YWHAQ: variants seen among roughly 807,000 people sequenced by gnomAD.
The protein encoded by YWHAQ is tyrosine 3-monooxygenase/tryptophan 5-monooxygenase activation protein theta.
A neutral mutation model predicts 28.3 loss-of-function variants in YWHAQ; 6 were observed. The ratio of observed to expected loss-of-function variants is 0.21; its 90% confidence interval spans 0.12 to 0.42. YWHAQ has a LOEUF of 0.42. YWHAQ is among the 10% of genes least tolerant of loss of function. The pLI is 1.00. For synonymous variants in YWHAQ, 143 were observed against 119.1 expected (o/e 1.20, Z -1.31); for missense variants, 201 against 305.6 (o/e 0.66, Z 2.55).
chr2:9,625,472 C>A (rs529022028), intron 2 of YWHAQ, among the ~76,000 whole-genome samples: 1 of 152,268 alleles, frequency 6.6e-6, no homozygotes, highest in East Asian at 1.9e-4. Flanking sequence ...TTAAAATGCA[C>A]AAATTCCTCA....
intron 2 of YWHAQ, among the ~76,000 whole-genome samples, chr2:9,608,255 G>A (rs535648402): frequency 6.6e-6 from 1 of 152,132 alleles, no homozygotes; most frequent in Non-Finnish European, 1.5e-5. Context: ...ACATACAGTA[G>A]AGCTTCAAAG....
chr2:9,630,479 G>GGGGCA lies in YWHAQ; in HGVS notation c.-28_-27insTGCCC. The GGGGCA allele has an allele frequency of 8.5e-7, 1 of 1,181,514 alleles. No individual in the cohort carries two copies. The highest frequency in any genetic ancestry group is 1.2e-6 in the Non-Finnish European group (1 of 825,146). 73.2% of individuals were successfully genotyped at this position (1,181,514 alleles called of 1,614,324 possible). On this transcript the variant is annotated 5_prime_UTR_variant, in exon 2 of 6. Coordinates refer to ENST00000238081, the MANE Select transcript of YWHAQ (RefSeq NM_006826.4). The surrounding 1 kb of genome is among the most constrained non-coding windows in gnomAD (Gnocchi z 5.6). ...GCGGGCGCGGGGCCGGGGCCGGGGC[G>GGGGCA]GAGGGCGAGGAGAGCGAGGGCGAGC...
At chr2:9,587,147 C>T (rs1486715745) in intron 5 of YWHAQ, among the ~76,000 whole-genome samples, 1 of 152,176 alleles carries the variant, frequency 6.6e-6, no homozygotes, top group African/African-American at 2.4e-5. Flanking sequence ...TCTTTATTAA[C>T]ATAATTTATC....
chr2:9,630,560 G>C lies in YWHAQ; in HGVS notation c.-82-26C>G. ...CTGCGGAGGGGCGGGGCGGCGAGGC[G>C]AGAACAAAAAGCAGAGAGGGAGCGC... On this transcript the variant is annotated intron_variant, in intron 1 of 5. Coordinates refer to ENST00000238081, the MANE Select transcript of YWHAQ (RefSeq NM_006826.4). The surrounding 1 kb of genome is among the most constrained non-coding windows in gnomAD (Gnocchi z 5.6). The C allele has an allele frequency of 1.7e-6, 2 of 1,173,278 alleles. No homozygotes were observed. The highest frequency in any genetic ancestry group is 3.2e-5 in the South Asian group (2 of 62,134). 72.7% of individuals were successfully genotyped at this position (1,173,278 alleles called of 1,614,324 possible).
intron 2 of YWHAQ, among the ~76,000 whole-genome samples, chr2:9,629,288 A>AAAT (rs1667308403): frequency 6.6e-6 from 1 of 152,222 alleles, no homozygotes; most frequent in African/African-American, 2.4e-5. Context: ...TGAAACATTT[A>AAAT]AAAACACTCC....
chr2:9,599,733 C>A (rs1666650796), intron 2 of YWHAQ, among the ~76,000 whole-genome samples: 1 of 152,164 alleles, frequency 6.6e-6, no homozygotes, highest in Admixed American at 6.5e-5. Context: ...CACCTGTTTA[C>A]CAAAGAGCTC....
chr2:9,587,536 AAT>A, intron 4 of YWHAQ, 27 bp from the exon 5 acceptor site: 1 of 1,561,182 alleles, frequency 6.4e-7, no homozygotes, highest in Non-Finnish European at 8.7e-7. Flanking sequence ...TCCATGGTAA[AAT>A]ATGTGCATTG....
chr2:9,593,976 A>C (rs1396952076), intron 2 of YWHAQ, among the ~76,000 whole-genome samples: 1 of 145,784 alleles, frequency 6.9e-6, no homozygotes, highest in East Asian at 2.0e-4. Context: ...AGGAAGTTAA[A>C]ACACACACAC....
chr2:9,604,654 C>CA (rs950626968), intron 2 of YWHAQ, among the ~76,000 whole-genome samples: 41 of 152,124 alleles, frequency 2.7e-4, no homozygotes, highest in African/African-American at 9.9e-4. Context: ...GCAAAACCTG[C>CA]ATGTAAGGAG....
At chr2:9,610,237 A>G (rs1430251386) in intron 2 of YWHAQ, among the ~76,000 whole-genome samples, 1 of 152,210 alleles carries the variant, frequency 6.6e-6, no homozygotes, top group Non-Finnish European at 1.5e-5. Context: ...ACATGGGTCC[A>G]TTTCACTGGT....
At chr2:9,593,284 G>A (rs900149445) in intron 2 of YWHAQ, among the ~76,000 whole-genome samples, 2 of 139,132 alleles carry the variant, frequency 1.4e-5, no homozygotes, top group South Asian at 2.2e-4. Flanking sequence ...CTGTTGCCCA[G>A]GCTAGAGTGC....
In YWHAQ at chr2:9,585,278, G is replaced by A; in HGVS notation, c.*8C>T. 6.8e-6 allele frequency: 11 copies of A among 1,614,062 alleles called. No homozygotes were observed. Among genetic ancestry groups the A allele is most frequent in the Non-Finnish European group, 8.5e-6 (10 of 1,179,958 alleles). On this transcript the variant is annotated 3_prime_UTR_variant, in exon 6 of 6. Coordinates refer to ENST00000238081, the MANE Select transcript of YWHAQ (RefSeq NM_006826.4). ...TTGAAGGAAAGAAGGATGACACCCT[G>A]TATGGATTTAGTTTTCAGCCCCTTC...
At chr2:9,594,761 G>T (rs936188505) in intron 2 of YWHAQ, among the ~76,000 whole-genome samples, 1 of 152,190 alleles carries the variant, frequency 6.6e-6, no homozygotes, top group African/African-American at 2.4e-5. Context: ...TGGTAGATTT[G>T]TAAGAGCAGG....
In YWHAQ at chr2:9,589,515, G is replaced by A. The variant is rs536007668; in HGVS notation, c.419-1187C>T. On this transcript the variant is annotated intron_variant, in intron 3 of 5. Coordinates refer to ENST00000238081, the MANE Select transcript of YWHAQ (RefSeq NM_006826.4). ...CAAGCCTCACTTGAACCCGGGAGGCGGAGCTTACGGTGAGCCAAGATCGCG... is the reference window on the plus strand; with the variant it reads ...CAAGCCTCACTTGAACCCGGGAGGCAGAGCTTACGGTGAGCCAAGATCGCG... Among the ~76,000 whole-genome samples, 289 of 152,156 alleles carry A rather than the reference G, an allele frequency of 1.9e-3. 4 individuals are homozygous for A. Among genetic ancestry groups the A allele is most frequent in the African/African-American group, 6.6e-3 (275 of 41,502 alleles).
intron 2 of YWHAQ, 123 bp from the exon 3 acceptor site, chr2:9,591,638 T>G: frequency 8.2e-7 from 1 of 1,223,254 alleles, no homozygotes; most frequent in Middle Eastern, 3.0e-4. Flanking sequence ...TACTATACCA[T>G]ACCAGCCTGG....
At chr2:9,605,589 C>G (rs533724078) in intron 2 of YWHAQ, among the ~76,000 whole-genome samples, 3 of 152,172 alleles carry the variant, frequency 2.0e-5, no homozygotes, top group Non-Finnish European at 4.4e-5. Flanking sequence ...GAGACAGGGT[C>G]TCAATGCATC....
Position 9,625,799 on chromosome 2 carries a change from C to G in YWHAQ, c.294+4360G>C, listed in dbSNP as rs147018567. ...ACAAGCCCATAAAGGCAGGCACCAT[C>G]ATCAATTTACAGAAGAGAGAGAGTC... On this transcript the variant is annotated intron_variant, in intron 2 of 5. Coordinates refer to ENST00000238081, the MANE Select transcript of YWHAQ (RefSeq NM_006826.4). Among the ~76,000 whole-genome samples the G allele has an allele frequency of 9.1e-4, 139 of 152,242 alleles. 3 individuals carry two copies. Among genetic ancestry groups the G allele is most frequent in the Middle Eastern group, 3.4e-3 (1 of 294 alleles).
Position 9,584,802 on chromosome 2 carries a change from G to A in YWHAQ, c.*484C>T, listed in dbSNP as rs1169409186. The stretch of plus-strand genomic sequence containing the variant: ...CTTTTCCATTCAATCTAATACTTCC[G>A]GATTCCTACTAAAAAGGAATACATT... On this transcript the variant is annotated 3_prime_UTR_variant, in exon 6 of 6. Transcript: ENST00000238081. 3 of 156,388 alleles carry A rather than the reference G, an allele frequency of 1.9e-5. No individual in the cohort carries two copies. Among genetic ancestry groups the A allele is most frequent in the East Asian group, 1.9e-4 (1 of 5,302 alleles). The allele number at this position is 156,388 out of a possible 1,614,324, so 9.7% of individuals were successfully genotyped here.
chr2:9,596,360 T>A (rs1297958926), intron 2 of YWHAQ, among the ~76,000 whole-genome samples: 1 of 152,180 alleles, frequency 6.6e-6, no homozygotes, highest in Non-Finnish European at 1.5e-5. Flanking sequence ...GTGGCAAAAT[T>A]CTGTAACACT....
Sources: allele counts gnomAD v4.1 joint callset (sites outside exome capture counted in the v4.1 genomes callset), GRCh38; gene constraint gnomAD v4.1.1; non-coding constraint Gnocchi (gnomAD v3.1); transcripts MANE v1.5; gene names NCBI Gene and HGNC (gene_info 2026-07-23, HGNC 2026-07-21).